TUSC3: variants seen among roughly 807,000 people sequenced by gnomAD.
TUSC3 encodes tumor suppressor candidate 3.
Under a neutral mutation model 44.8 loss-of-function variants are expected in TUSC3, and 45 were observed. The observed-to-expected ratio is 1.00, with a 90% confidence interval of 0.79 to 1.29. The LOEUF (loss-of-function observed/expected upper bound fraction) is 1.29, where lower values mean the gene tolerates loss of function less well. Ranked by LOEUF, TUSC3 falls within the 50% of genes most tolerant of loss-of-function variation. The pLI, the probability that TUSC3 is intolerant of heterozygous loss-of-function variation, is 0.00. For missense variants in TUSC3, 519 were observed against 437.9 expected (o/e 1.19, Z -1.65); for synonymous variants, 212 against 152.9 (o/e 1.39, Z -2.85).
intron 6 of TUSC3, among the ~76,000 whole-genome samples, chr8:15,690,635 T>A (rs1448074336): frequency 6.6e-6 from 1 of 152,188 alleles, no homozygotes; most frequent in African/African-American, 2.4e-5. Flanking sequence ...TCGTTTTGTT[T>A]TTACATTTAA....
At chr8:15,512,941 T>TATATATAATC (rs1277101958) in intron 2 of TUSC3, among the ~76,000 whole-genome samples, 1 of 42,714 alleles carries the variant, frequency 2.3e-5, no homozygotes, top group Non-Finnish European at 1.0e-4. Context: ...CATATATATA[T>TATATATAATC]ATATATATAT....
chr8:15,716,114 G>C (rs779012076), intron 6 of TUSC3, among the ~76,000 whole-genome samples: 2 of 152,110 alleles, frequency 1.3e-5, no homozygotes, highest in South Asian at 2.1e-4. Context: ...AAATTAGCTT[G>C]GCATGATGGT....
chr8:15,519,461 A>T (rs1464322927), intron 2 of TUSC3, among the ~76,000 whole-genome samples: 1 of 152,128 alleles, frequency 6.6e-6, no homozygotes, highest in Admixed American at 6.5e-5. Flanking sequence ...ACAGACCAGT[A>T]CCAGTCCTTG....
chr8:15,538,443 T>G (rs1197144010), upstream of TUSC3, among the ~76,000 whole-genome samples: 2 of 151,940 alleles, frequency 1.3e-5, no homozygotes, highest in Non-Finnish European at 2.9e-5. Context: ...AAAAGTGATA[T>G]ATATTTGTAA....
chr8:15,708,008 T>A (rs1809689973), intron 6 of TUSC3, among the ~76,000 whole-genome samples: 1 of 151,916 alleles, frequency 6.6e-6, no homozygotes, highest in South Asian at 2.1e-4. Context: ...CTTCTGTGCT[T>A]CTCTTTGTAT....
Position 15,550,891 on chromosome 8 carries a change from T to A in TUSC3, c.138+10323T>A, listed in dbSNP as rs564269747. On this transcript the variant is annotated intron_variant, in intron 1 of 10. Coordinates refer to ENST00000503731, the MANE Select transcript of TUSC3 (RefSeq NM_006765.4). ...TTCATCATGTTCGCCATGCTGGCCT[T>A]AAATTCCTAACCTCGGGTGATCTGC... 1.3e-5 allele frequency among the ~76,000 whole-genome samples: 2 copies of A among 151,732 alleles called. 1 individual carries two copies. The highest frequency in any genetic ancestry group is 1.3e-4 in the Admixed American group (2 of 15,172).
the TUSC3 span, among the ~76,000 whole-genome samples, chr8:15,796,301 C>T: frequency 4.6e-5 from 7 of 152,076 alleles, no homozygotes; most frequent in East Asian, 3.9e-4. Flanking sequence ...GAGTGGTCCA[C>T]GTGTTTTGAT....
chr8:15,813,337 C>A, the TUSC3 span, among the ~76,000 whole-genome samples: 1 of 151,414 alleles, frequency 6.6e-6, no homozygotes. Context: ...GCTGAGTCCT[C>A]TGTACCATTA....
intron 1 of TUSC3, among the ~76,000 whole-genome samples, chr8:15,603,019 C>G (rs1218339022): frequency 6.6e-6 from 1 of 151,350 alleles, no homozygotes; most frequent in Non-Finnish European, 1.5e-5. Context: ...TAAATGGATT[C>G]AATTGGACCA....
chr8:15,813,857 G>T, the TUSC3 span, among the ~76,000 whole-genome samples: 1 of 152,148 alleles, frequency 6.6e-6, no homozygotes, highest in Admixed American at 6.5e-5. Context: ...GTGGGATGAA[G>T]TGGTGAAGAT....
the TUSC3 span, among the ~76,000 whole-genome samples, chr8:15,811,352 T>C: frequency 6.6e-6 from 1 of 152,078 alleles, no homozygotes; most frequent in African/African-American, 2.4e-5. Context: ...CTCCACACCC[T>C]ACTCCTAACC....
intron 8 of TUSC3, among the ~76,000 whole-genome samples, chr8:15,743,994 CAG>C (rs905758218): frequency 1.7e-4 from 26 of 152,270 alleles, no homozygotes; most frequent in Admixed American, 1.2e-3. Context: ...CTACAAGAAT[CAG>C]GGGTGCGCTC....
At chr8:15,427,080 T>C (rs1349470914) in intron 1 of TUSC3, among the ~76,000 whole-genome samples, 1 of 136,654 alleles carries the variant, frequency 7.3e-6, no homozygotes, top group African/African-American at 2.8e-5. Flanking sequence ...TTGGTGTTTG[T>C]TTTTTTTTTG....
intron 2 of TUSC3, among the ~76,000 whole-genome samples, chr8:15,515,236 T>C (rs1022196694): frequency 2.0e-5 from 3 of 152,180 alleles, no homozygotes; most frequent in South Asian, 2.1e-4. Flanking sequence ...TTTGATGTTT[T>C]TCCAAGGACA....
intron 1 of TUSC3, among the ~76,000 whole-genome samples, chr8:15,611,168 C>T (rs1260920852): frequency 6.6e-6 from 1 of 152,048 alleles, no homozygotes; most frequent in Non-Finnish European, 1.5e-5. Context: ...TCAAATATTT[C>T]AAAGAACTTT....
intron 2 of TUSC3, among the ~76,000 whole-genome samples, chr8:15,516,811 A>T (rs895627279): frequency 6.6e-6 from 1 of 152,198 alleles, no homozygotes; most frequent in Non-Finnish European, 1.5e-5. Flanking sequence ...AAAAATGGGG[A>T]CTATCCATTA....
intron 9 of TUSC3, among the ~76,000 whole-genome samples, chr8:15,755,754 G>A (rs1811902437): frequency 1.3e-5 from 2 of 152,122 alleles, no homozygotes; most frequent in East Asian, 3.9e-4. Context: ...AAAAGTAGAA[G>A]GTGTTATGTT....
intron 2 of TUSC3, among the ~76,000 whole-genome samples, chr8:15,505,770 TA>T (rs1801043516): frequency 6.6e-6 from 1 of 152,214 alleles, no homozygotes; most frequent in Non-Finnish European, 1.5e-5. Flanking sequence ...CTGTTTTTTT[TA>T]GTTTTAAACC....
intron 6 of TUSC3, among the ~76,000 whole-genome samples, chr8:15,694,433 TC>T (rs1809062493): frequency 2.7e-5 from 1 of 37,498 alleles, no homozygotes; most frequent in Non-Finnish European, 5.0e-5. Flanking sequence ...GGAAACTCCA[TC>T]CAAAAAAAAA....
Sources: gnomAD v4.1 joint callset for allele counts (sites outside exome capture counted in the v4.1 genomes callset) on GRCh38, gnomAD v4.1.1 for gene constraint, MANE v1.5 for transcripts, NCBI Gene and HGNC (gene_info 2026-07-23, HGNC 2026-07-21) for gene names.